The following MCM7 variants were observed in gnomAD, a reference collection of about 807,000 sequenced individuals.
MCM7 encodes DNA replication licensing factor MCM7.
In MCM7, 95 loss-of-function variants were observed where a neutral mutation model predicts 83.5. The ratio of observed to expected loss-of-function variants is 1.14; its 90% CI spans 0.96 to 1.35. The LOEUF (loss-of-function observed/expected upper bound fraction) is 1.35. Among genes scored for constraint, MCM7 ranks in the 40% most tolerant of loss-of-function variants. The probability of loss-of-function intolerance (pLI) is 0.00; values close to 1 mark genes in which losing one functional copy is unlikely to be tolerated. For synonymous variants in MCM7, 461 were observed against 352.7 expected (o/e 1.31, Z -3.44); for missense variants, 1,087 against 957.4 (o/e 1.14, Z -1.79).
Position 100,097,866 on chromosome 7 carries a change from T to A in MCM7, c.953A>T (p.Glu318Val), listed in dbSNP as rs1795725871. The A allele has an allele frequency of 6.2e-7, 1 of 1,614,128 alleles. No homozygotes were observed. Among genetic ancestry groups the A allele is most frequent in the Non-Finnish European group, 8.5e-7 (1 of 1,180,014 alleles). ...TTGCCTCAGCTCCTCCCTGGTGAGC[T>A]CTCCAGCCCCAGACTCATCATCCTC... is the stretch of plus-strand genomic sequence containing the variant. ...KSEDDESGAG[E>V]LTREELRQIA... The change falls in exon 8 of 15, where the codon GAG (glutamate) becomes GTG (valine). Residue 318 changes from glutamate to valine, a missense_variant. Transcript: ENST00000303887.
rs1328334861 is a variant in MCM7, at chr7:100,096,505, C to T, written c.1202-338G>A. ...TTTTAGTAGAGGCCGGGCGCAGTGG[C>T]TAACTCCTCTAATCCCAGCACTTTC... On this transcript the variant is annotated intron_variant, in intron 10 of 14. Coordinates refer to ENST00000303887, the MANE Select transcript of MCM7 (RefSeq NM_005916.5). Among the ~76,000 whole-genome samples, 7 of 152,346 alleles carry T rather than the reference C, an allele frequency of 4.6e-5. No homozygotes were observed. In the East Asian group the frequency reaches 1.3e-3, roughly 29 times the overall value.
At chr7:100,097,536 C>T in intron 9 of MCM7, 78 bp downstream of exon 9, 1 of 1,604,380 alleles carries the variant, frequency 6.2e-7, no homozygotes, top group Non-Finnish European at 8.5e-7. Context: ...CATACTGTGA[C>T]CTACAGGGAC....
intron 12 of MCM7, among the ~76,000 whole-genome samples, chr7:100,095,137 A>G (rs952794506): frequency 1.3e-5 from 2 of 152,150 alleles, no homozygotes; most frequent in Non-Finnish European, 2.9e-5. Flanking sequence ...TGAGATCACT[A>G]CACTCCAGCC....
At position 100,094,995 on chromosome 7, in the gene MCM7, C is replaced by T. The variant is rs574765312; in HGVS notation, c.1679+392G>A. On this transcript the variant is annotated intron_variant, in intron 12 of 14. Transcript: ENST00000303887. ...AGGCAGAGGTGGGCATCCTGGCCAA[C>T]ATGGTGAAACTGCTCTCTACTAAAA... Among the ~76,000 whole-genome samples, 290 of 152,210 alleles carry T rather than the reference C, an allele frequency of 1.9e-3. 2 individuals are homozygous for T. Among genetic ancestry groups the T allele is most frequent in the African/African-American group, 6.7e-3 (279 of 41,518 alleles).
At chr7:100,093,490 G>C (rs1795436042) in intron 13 of MCM7, 89 bp from the exon 14 acceptor site, 1 of 1,202,246 alleles carries the variant, frequency 8.3e-7, no homozygotes, top group Non-Finnish European at 1.2e-6. Flanking sequence ...TTTAAGGCTG[G>C]GCAGCCCATG....
chr7:100,093,769 C>T (rs758058514), intron 13 of MCM7: 8 of 611,094 alleles, frequency 1.3e-5, no homozygotes, highest in East Asian at 3.8e-5. Flanking sequence ...GAACGTGTCC[C>T]GGGGGCTCGG....
rs767202350 is a variant in MCM7, at chr7:100,099,593, C to G, written c.272G>C (p.Arg91Thr). The change falls in exon 3 of 15, where the codon AGG (arginine) becomes ACG (threonine). Residue 91 changes from arginine (R) to threonine (T), a missense_variant. By Grantham distance (71) the Arg-to-Thr change is moderately conservative. Coordinates refer to ENST00000303887, the MANE Select transcript of MCM7 (RefSeq NM_005916.5). ...VQELLPQYKEREVVNKDVLDV... is the reference protein window; with the variant it reads ...VQELLPQYKETEVVNKDVLDV... ...CATTGTTCTCTAACCACTCACTTCC[C>G]TCTCCTTGTACTGAGGCAGCAGCTC... is the stretch of plus-strand genomic sequence containing the variant. 6 of 1,613,812 alleles carry G rather than the reference C, an allele frequency of 3.7e-6. No individual in the cohort carries two copies. Among genetic ancestry groups the G allele is most frequent in the Non-Finnish European group, 5.1e-6 (6 of 1,179,976 alleles).
chr7:100,095,331 C>T (rs1458459215), intron 12 of MCM7, 56 bp downstream of exon 12: 3 of 1,498,920 alleles, frequency 2.0e-6, no homozygotes, highest in Non-Finnish European at 2.7e-6. Flanking sequence ...AGCACTTTTT[C>T]AGGAGGCTCG....
At position 100,099,173 on chromosome 7, in the gene MCM7, G is replaced by C. The variant is rs1217885980; in HGVS notation, c.432C>G (p.Asn144Lys). The change falls in exon 5 of 15, where the codon AAC becomes AAG. Residue 144 changes from asparagine to lysine, a missense_variant. Asn to Lys is a moderately conservative substitution (Grantham distance 94). Coordinates refer to ENST00000303887, the MANE Select transcript of MCM7 (RefSeq NM_005916.5). ...FELYFQGPSSNKPRVIREVRA... is the reference protein window; with the variant it reads ...FELYFQGPSSKKPRVIREVRA... The stretch of plus-strand genomic sequence containing the variant: ...GCACTTCCCGGATCACACGAGGCTT[G>C]TTGCTGCTAGGGCCTTGAAAATACA... 1.2e-6 allele frequency: 2 copies of C among 1,614,108 alleles called. No homozygotes were observed. The highest frequency in any genetic ancestry group is 2.2e-5 in the South Asian group (2 of 91,088).
intron 10 of MCM7, 98 bp downstream of exon 10, chr7:100,097,203 G>C (rs538312111): frequency 9.7e-7 from 1 of 1,029,612 alleles, no homozygotes; most frequent in Non-Finnish European, 1.5e-6. Flanking sequence ...AGAGCATTGG[G>C]ATTACAGGCG....
chr7:100,093,230 C>T (rs1795410979), intron 14 of MCM7, 62 bp downstream of exon 14: 1 of 1,592,218 alleles, frequency 6.3e-7, no homozygotes, highest in Non-Finnish European at 8.6e-7. Flanking sequence ...TTGAGGCCAA[C>T]CTCAGACACA....
At position 100,098,184 on chromosome 7, in the gene MCM7, A is replaced by G. The variant is rs1795747300; in HGVS notation, c.827T>C (p.Ile276Thr). Reference protein sequence around the residue: ...QPGDHVSVTGIFLPILRTGFR... With the variant: ...QPGDHVSVTGTFLPILRTGFR... ...CCCAGTGCGCAGGATTGGCAAGAAA[A>G]TACCAGTGACGCTGACGTGGTCTCC... Residue 276 changes from isoleucine to threonine, a missense_variant, in exon 7 of 15, where the codon ATT becomes ACT. By Grantham distance (89) the Ile-to-Thr change is moderately conservative. Coordinates refer to ENST00000303887, the MANE Select transcript of MCM7 (RefSeq NM_005916.5). 1 of 1,614,172 alleles carries G rather than the reference A, an allele frequency of 6.2e-7. No individual in the cohort carries two copies.
chr7:100,099,371 A>G lies in MCM7; in HGVS notation c.309T>C (p.Ile103=). The G allele has an allele frequency of 6.2e-7, 1 of 1,612,702 alleles. No individual in the cohort carries two copies. The highest frequency in any genetic ancestry group is 8.5e-7 in the Non-Finnish European group (1 of 1,179,468). Residue 103 remains isoleucine (I), a synonymous_variant, in exon 4 of 15, where the codon ATT becomes ATC. Coordinates refer to ENST00000303887, the MANE Select transcript of MCM7 (RefSeq NM_005916.5). ...GCTGCTCCATCATTAGCCGATGCTC[A>G]ATGTAAACGTCCAGGACATCTTTAT... ...VVNKDVLDVY[I]EHRLMMEQRS...
At chr7:100,093,254 CAA>C in intron 14 of MCM7, 36 bp downstream of exon 14, 3 of 1,603,640 alleles carry the variant, frequency 1.9e-6, no homozygotes, top group Non-Finnish European at 8.5e-7. Context: ...CCACAGAAGA[CAA>C]AGTGACACAG....
rs1244371305 is a variant in MCM7 at position 100,099,129 on chromosome 7, T to A, written c.476A>T (p.Lys159Met). The A allele has an allele frequency of 6.2e-7, 1 of 1,614,012 alleles. No individual in the cohort carries two copies. Among genetic ancestry groups the A allele is most frequent in the Admixed American group, 1.7e-5 (1 of 59,998 alleles). The change falls in exon 5 of 15, where the codon AAG becomes ATG. Residue 159 changes from lysine to methionine, a missense_variant. Lys to Met is a moderately conservative substitution (Grantham distance 95, BLOSUM62 -1). Transcript: ENST00000303887. The stretch of plus-strand genomic sequence containing the variant: ...GACGATTCCACGCACAGTTACCAAC[T>A]TCCCCACAGAGTCAGCCCGCACTTC... ...IREVRADSVG[K>M]LVTVRGIVTR...
chr7:100,098,856 C>A, intron 5 of MCM7, 141 bp from the exon 6 acceptor site: 1 of 1,370,722 alleles, frequency 7.3e-7, no homozygotes, highest in South Asian at 1.4e-5. Context: ...GGGTCAACAA[C>A]AAACACCCAG....
At chr7:100,093,994 C>G (rs983929296) in intron 13 of MCM7, 179 bp downstream of exon 13, 1 of 839,354 alleles carries the variant, frequency 1.2e-6, no homozygotes, top group African/African-American at 1.7e-5. Context: ...TGTGCGTGCC[C>G]TGCTGGAGCA....
intron 7 of MCM7, 41 bp downstream of exon 7, chr7:100,098,100 A>G (rs1000164199): frequency 4.4e-6 from 7 of 1,608,216 alleles, no homozygotes; most frequent in Non-Finnish European, 6.0e-6. Flanking sequence ...TAGGTGAGGG[A>G]AAAGGGGATG....
rs1262594731 is a variant in MCM7, at chr7:100,099,672, A to G, written c.193T>C (p.Ser65Pro). 6.2e-7 allele frequency: 1 copy of G among 1,614,180 alleles called. No homozygotes were observed. The highest frequency in any genetic ancestry group is 8.5e-7 in the Non-Finnish European group (1 of 1,180,044). The change falls in exon 3 of 15, where the codon TCA becomes CCA. Residue 65 changes from serine (S) to proline (P), a missense_variant. Transcript: ENST00000303887. ...VAEDDPELVD[S>P]ICENARRYAK... ...TAGCGCCTGGCATTCTCACAAATTGAGTCCACCAACTCGGGGTCATCCTCG... is the reference window on the plus strand; with the variant it reads ...TAGCGCCTGGCATTCTCACAAATTGGGTCCACCAACTCGGGGTCATCCTCG...
Sources: allele counts gnomAD v4.1 joint callset (sites outside exome capture counted in the v4.1 genomes callset), GRCh38; gene constraint gnomAD v4.1.1; transcripts MANE v1.5; gene names NCBI Gene and HGNC (gene_info 2026-07-23, HGNC 2026-07-21).